The following ZMIZ2 variants were observed in gnomAD, a reference collection of about 807,000 sequenced individuals.
The protein encoded by ZMIZ2 is zinc finger MIZ domain-containing protein 2.
Under a neutral mutation model 93.9 loss-of-function variants are expected in ZMIZ2, and 26 were observed. The observed-to-expected ratio is 0.28, with a 90% CI of 0.20 to 0.38. The LOEUF (loss-of-function observed/expected upper bound fraction) is 0.38, where lower values mean the gene tolerates loss of function less well. Among genes scored for constraint, ZMIZ2 ranks in the 10% least tolerant of loss-of-function variants. ZMIZ2 has a pLI of 1.00. For missense variants in ZMIZ2, 1,023 were observed against 1,235.0 expected, an observed-to-expected ratio of 0.83 and a Z score of 2.57; for synonymous variants, 485 against 516.4, an observed-to-expected ratio of 0.94 and a Z score of 0.82.
Position 44,762,920 on chromosome 7 carries a change from G to A in ZMIZ2, c.1636G>A (p.Val546Ile), listed in dbSNP as rs762794949. 32 of 1,612,704 alleles carry A rather than the reference G, an allele frequency of 2.0e-5. No homozygotes were observed. Among genetic ancestry groups the A allele is most frequent in the Non-Finnish European group, 2.6e-5 (31 of 1,179,118 alleles). The change falls in exon 12 of 19, where the codon GTC becomes ATC. Residue 546 changes from valine (V) to isoleucine (I), a missense_variant. Around this residue, in one of 3 missense-constraint regions of ZMIZ2, gnomAD observed 656 missense variants for 777.1 expected, o/e 0.84. Coordinates refer to ENST00000309315, the MANE Select transcript of ZMIZ2 (RefSeq NM_031449.4). ...FVLQLVHRPS[V>I]RSVLQGLLKK... ...GCTGCAGCTAGTGCACCGCCCATCC[G>A]TCCGCTCGGTGCTGCAGGGCCTCCT...
rs776734165 is a variant in ZMIZ2, at chr7:44,763,344, C to T, written c.1791C>T (p.Ser597=). 29 of 1,614,110 alleles carry T rather than the reference C, an allele frequency of 1.8e-5. No homozygotes were observed. In the East Asian group the frequency reaches 6.0e-4, roughly 33 times the overall value. ...DGVEQTAIKV[S]LKCPITFRRI... ...TGGAGCAGACAGCTATCAAGGTGTC[C>T]CTGAAGTGCCCCATCACCTTCCGCA... Residue 597 remains serine, a synonymous_variant, in exon 13 of 19, where the codon TCC becomes TCT. Coordinates refer to ENST00000309315, the MANE Select transcript of ZMIZ2 (RefSeq NM_031449.4). This position sits in a 1 kb window ranked among gnomAD's most constrained non-coding sequence, Gnocchi z 5.6.
intron 1 of ZMIZ2, among the ~76,000 whole-genome samples, chr7:44,754,320 C>A (rs190432902): frequency 3.7e-3 from 560 of 152,308 alleles, no homozygotes; most frequent in Middle Eastern, 0.014. Context: ...GTTTTCTTCA[C>A]CCCTGCTTCC....
Position 44,761,827 on chromosome 7 carries a change from G to A in ZMIZ2, c.1518G>A (p.Ser506=), listed in dbSNP as rs780340492. The part of the protein sequence containing the change: ...LTIERGDNKT[S]HKPLYLKHVC... ...TCGAGCGTGGCGACAACAAGACCTC[G>A]CACAAGCCACTCTACCTGAAGCATG... Residue 506 remains serine (S), a synonymous_variant, in exon 11 of 19, where the codon TCG becomes TCA. Coordinates refer to ENST00000309315, the MANE Select transcript of ZMIZ2 (RefSeq NM_031449.4). The surrounding 1 kb of genome is among the most constrained non-coding windows in gnomAD (Gnocchi z 5.8). 7.4e-6 allele frequency: 12 copies of A among 1,613,216 alleles called. No homozygotes were observed. The African/African-American group carries it at 1.2e-4, about 16-fold the overall frequency.
intron 18 of ZMIZ2, 136 bp from the exon 19 acceptor site, chr7:44,767,380 C>T (rs1190728867): frequency 1.5e-5 from 12 of 782,280 alleles, no homozygotes; most frequent in South Asian, 5.0e-5. Context: ...GCCCCGCACC[C>T]GGCCTGTGTG....
intron 13 of ZMIZ2, among the ~76,000 whole-genome samples, chr7:44,764,089 G>T (rs1005257461): frequency 6.6e-6 from 1 of 152,166 alleles, no homozygotes; most frequent in African/African-American, 2.4e-5. Flanking sequence ...AATGAGCTGA[G>T]ATCGAGCCAC....
chr7:44,754,652 TG>T lies in ZMIZ2; in HGVS notation c.-62-1534del, dbSNP rs551326561. Among the ~76,000 whole-genome samples, 21 of 152,120 alleles carry T rather than the reference TG, an allele frequency of 1.4e-4. No homozygotes were observed. In the East Asian group the frequency reaches 3.7e-3, roughly 27 times the overall value. Reference sequence around the variant, plus strand: ...TGAGGCCCTCGGTCAGCACAAGAAATGGCAGCCTAGATGAATGCGGGGCCAC... The same window carrying T: ...TGAGGCCCTCGGTCAGCACAAGAAATGCAGCCTAGATGAATGCGGGGCCAC... On this transcript the variant is annotated intron_variant, in intron 1 of 18. Transcript: ENST00000309315.
rs548298964 is a variant in ZMIZ2, at chr7:44,769,433, C to G, written c.*1810C>G. 4 of 152,910 alleles carry G rather than the reference C, an allele frequency of 2.6e-5. No individual in the cohort carries two copies. In the East Asian group the frequency reaches 7.7e-4, roughly 29 times the overall value. The allele number at this position is 152,910 out of a possible 1,614,324, so 9.5% of individuals were successfully genotyped here. On this transcript the variant is annotated 3_prime_UTR_variant, in exon 19 of 19. Coordinates refer to ENST00000309315, the MANE Select transcript of ZMIZ2 (RefSeq NM_031449.4). The stretch of plus-strand genomic sequence containing the variant: ...CCACACAGGTGGGCTTCCTTATTCC[C>G]TGACAAAGCCTCTGTTTCCAGCTCT...
At chr7:44,764,004 G>GGT (rs1184153854) in intron 13 of ZMIZ2, among the ~76,000 whole-genome samples, 6 of 152,198 alleles carry the variant, frequency 3.9e-5, no homozygotes, top group African/African-American at 1.4e-4. Context: ...GGGGCATGGT[G>GGT]GTGTGTGCCT....
At position 44,756,247 on chromosome 7, in the gene ZMIZ2, C is replaced by T. The variant is rs1223768794; in HGVS notation, c.-3C>T. The T allele has an allele frequency of 6.2e-7, 1 of 1,614,040 alleles. No homozygotes were observed. Among genetic ancestry groups the T allele is most frequent in the South Asian group, 1.1e-5 (1 of 91,086 alleles). On this transcript the variant is annotated 5_prime_UTR_variant, in exon 2 of 19. Transcript: ENST00000309315. The stretch of plus-strand genomic sequence containing the variant: ...ACCCGGCCTGTAGGCTGCTCCATTG[C>T]CAATGAACTCCATGAACCCCATGAA...
At chr7:44,759,888 G>A in intron 7 of ZMIZ2, 2 of 542,136 alleles carry the variant, frequency 3.7e-6, no homozygotes, top group Non-Finnish European at 6.5e-6. Flanking sequence ...TACCTCCCTG[G>A]GAGCCTGGGT....
Position 44,765,297 on chromosome 7 carries a change from G to C in ZMIZ2, c.1998-38G>C. On this transcript the variant is annotated intron_variant, in intron 15 of 18. Transcript: ENST00000309315. This position sits in a 1 kb window ranked among gnomAD's most constrained non-coding sequence, Gnocchi z 4.1. ...GGCAGTGGGTGCCGGGCCAGCAGCA[G>C]GCCAGGAGGTAACCATTCCCCACCT... The C allele has an allele frequency of 6.2e-7, 1 of 1,605,838 alleles. No homozygotes were observed. Among genetic ancestry groups the C allele is most frequent in the Non-Finnish European group, 8.5e-7 (1 of 1,175,218 alleles).
At position 44,761,845 on chromosome 7, in the gene ZMIZ2, G is replaced by A. The variant is rs748411992; in HGVS notation, c.1536G>A (p.Leu512=). ...DNKTSHKPLY[L]KHVCQPGRNT... Reference sequence around the variant, plus strand: ...AGACCTCGCACAAGCCACTCTACCTGAAGCATGTGTGCCAGCCAGGCCGCA... The same window carrying A: ...AGACCTCGCACAAGCCACTCTACCTAAAGCATGTGTGCCAGCCAGGCCGCA... Residue 512 remains leucine, a synonymous_variant, in exon 11 of 19, where the codon CTG becomes CTA. Transcript: ENST00000309315. This position sits in a 1 kb window ranked among gnomAD's most constrained non-coding sequence, Gnocchi z 5.8. 1 of 1,614,090 alleles carries A rather than the reference G, an allele frequency of 6.2e-7. No individual in the cohort carries two copies. The highest frequency in any genetic ancestry group is 2.2e-5 in the East Asian group (1 of 44,892).
intron 4 of ZMIZ2, 26 bp from the exon 5 acceptor site, chr7:44,757,351 AG>A: frequency 2.5e-6 from 4 of 1,591,568 alleles, no homozygotes; most frequent in Non-Finnish European, 3.4e-6. Flanking sequence ...CCACGCAGAG[AG>A]CGTGGCAATC....
In ZMIZ2 at chr7:44,766,676, C is replaced by A. The variant is rs200299227; in HGVS notation, c.2655+13C>A. 1 of 1,612,180 alleles carries A rather than the reference C, an allele frequency of 6.2e-7. No individual in the cohort carries two copies. The highest frequency in any genetic ancestry group is 8.5e-7 in the Non-Finnish European group (1 of 1,179,374). The stretch of plus-strand genomic sequence containing the variant: ...ACCAGCTCTGGACGTGAGTACCAGG[C>A]CCCATGCGGGGGAGTGCGTGGGAGC... On this transcript the variant is annotated intron_variant, in intron 18 of 18. Transcript: ENST00000309315. This position sits in a 1 kb window ranked among gnomAD's most constrained non-coding sequence, Gnocchi z 4.4.
At position 44,760,428 on chromosome 7, in the gene ZMIZ2, A is replaced by G. The variant is rs1791062515; in HGVS notation, c.1075A>G (p.Thr359Ala). The change falls in exon 9 of 19, where the codon ACC becomes GCC. Residue 359 changes from threonine (T) to alanine (A), a missense_variant. Coordinates refer to ENST00000309315, the MANE Select transcript of ZMIZ2 (RefSeq NM_031449.4). ...CTGTTTGTGCTCAACCCTACAGCCT[A>G]CCCGTTCCATCCCGGGCTATCCCAG... The part of the protein sequence containing the change: ...SYSQPGLSGP[T>A]RSIPGYPSSP... 6.2e-7 allele frequency: 1 copy of G among 1,613,676 alleles called. No homozygotes were observed. Among genetic ancestry groups the G allele is most frequent in the African/African-American group, 1.3e-5 (1 of 74,818 alleles).
At chr7:44,760,723 C>A in intron 9 of ZMIZ2, 130 bp downstream of exon 9, 1 of 1,215,298 alleles carries the variant, frequency 8.2e-7, no homozygotes, top group Non-Finnish European at 1.1e-6. Context: ...AAGAAAAGGG[C>A]TGGGTGTGGT....
intron 4 of ZMIZ2, 108 bp from the exon 5 acceptor site, chr7:44,757,270 G>C: frequency 1.3e-6 from 2 of 1,508,370 alleles, no homozygotes; most frequent in Non-Finnish European, 1.8e-6. Context: ...GTAGTGGAGG[G>C]TCTAGAAAGA....
At position 44,757,430 on chromosome 7, in the gene ZMIZ2, T is replaced by A; in HGVS notation, c.421T>A (p.Ser141Thr). 6.2e-7 allele frequency: 1 copy of A among 1,605,614 alleles called. No individual in the cohort carries two copies. Among genetic ancestry groups the A allele is most frequent in the Admixed American group, 1.7e-5 (1 of 59,996 alleles). Reference protein sequence around the residue: ...LGLPSHAARPSTDFTQAAAAA... With the variant: ...LGLPSHAARPTTDFTQAAAAA... ...CCTCCCCTCACATGCTGCAAGACCC[T>A]CCACTGACTTCACGCAAGCGGCAGC... is the stretch of plus-strand genomic sequence containing the variant. The change falls in exon 5 of 19, where the codon TCC (serine) becomes ACC (threonine). Residue 141 changes from serine (S) to threonine (T), a missense_variant. Ser to Thr is a moderately conservative substitution (Grantham distance 58). This residue lies in a region of ZMIZ2 where 656 missense variants were observed against 777.1 expected (regional missense o/e 0.84). Transcript: ENST00000309315.
At chr7:44,762,632 ATGCCCAGCACAGC>A (rs978709962) in intron 11 of ZMIZ2, among the ~76,000 whole-genome samples, 6 of 152,244 alleles carry the variant, frequency 3.9e-5, no homozygotes, top group Admixed American at 3.9e-4. Context: ...GACCGGCAGG[ATGCCCAGCACAGC>A]TGTAGAGATG....
Sources: gnomAD v4.1 joint callset for allele counts (sites outside exome capture counted in the v4.1 genomes callset) on GRCh38, gnomAD v4.1.1 for gene constraint, gnomAD v4.1.1 regional missense constraint, Gnocchi (gnomAD v3.1) non-coding constraint, MANE v1.5 for transcripts, NCBI Gene and HGNC (gene_info 2026-07-23, HGNC 2026-07-21) for gene names.